Variants in TIAM1 observed in about 807,000 individuals in gnomAD.
TIAM1 encodes the protein rho guanine nucleotide exchange factor TIAM1.
In TIAM1, 65 loss-of-function variants were observed where a neutral mutation model predicts 163.5. The ratio of observed to expected loss-of-function variants is 0.40; its 90% CI spans 0.33 to 0.49. TIAM1 has a LOEUF of 0.49. Among genes scored for constraint, TIAM1 ranks in the 20% least tolerant of loss-of-function variants. TIAM1 has a pLI of 0.77. For missense variants in TIAM1, 1,789 were observed against 2,044.7 expected (o/e 0.87, Z 2.41); for synonymous variants, 833 against 810.1 (o/e 1.03, Z -0.48).
chr21:31,552,977 A>G (rs892250575), intron 1 of TIAM1, among the ~76,000 whole-genome samples: 14 of 152,162 alleles, frequency 9.2e-5, no homozygotes, highest in Admixed American at 2.6e-4. Context: ...CTCCACCAAC[A>G]AGCACAGCCG....
chr21:31,150,028 A>G (rs1237423366), intron 19 of TIAM1, among the ~76,000 whole-genome samples: 1 of 152,210 alleles, frequency 6.6e-6, no homozygotes, highest in Non-Finnish European at 1.5e-5. Flanking sequence ...GCACATATGG[A>G]TACATATACA....
intron 2 of TIAM1, among the ~76,000 whole-genome samples, chr21:31,426,425 T>G (rs1399826305): frequency 6.6e-6 from 1 of 152,176 alleles, no homozygotes; most frequent in Non-Finnish European, 1.5e-5. Flanking sequence ...CATACATATT[T>G]CACTTCCACG....
intron 13 of TIAM1, among the ~76,000 whole-genome samples, chr21:31,192,978 G>T (rs2085643037): frequency 6.6e-6 from 1 of 152,138 alleles, no homozygotes; most frequent in African/African-American, 2.4e-5. Flanking sequence ...ACCGGGCTTT[G>T]GTGGCTGTCT....
intron 15 of TIAM1, among the ~76,000 whole-genome samples, chr21:31,171,472 A>G (rs1400697173): frequency 6.6e-6 from 1 of 152,214 alleles, no homozygotes; most frequent in Admixed American, 6.5e-5. Flanking sequence ...CTAACTAACA[A>G]AATGTTAACA....
At chr21:31,224,220 G>A (rs2087796366) in intron 7 of TIAM1, among the ~76,000 whole-genome samples, 1 of 152,338 alleles carries the variant, frequency 6.6e-6, no homozygotes, top group East Asian at 1.9e-4. Context: ...GAGTGAAGGT[G>A]CAGTGATGCT....
intron 1 of TIAM1, among the ~76,000 whole-genome samples, chr21:31,495,720 G>A (rs139950941): frequency 1.3e-3 from 194 of 151,884 alleles, no homozygotes; most frequent in African/African-American, 4.3e-3. Flanking sequence ...CTGTAATCCC[G>A]GCACTTTGGG....
chr21:31,435,807 T>C (rs560610561), intron 2 of TIAM1, among the ~76,000 whole-genome samples: 54 of 152,292 alleles, frequency 3.5e-4, no homozygotes, highest in African/African-American at 1.2e-3. Context: ...TGGATTAATG[T>C]CACTGTCTTG....
At chr21:31,315,701 G>GAAAAAAAAAAAAAAAA (rs2075097977) in intron 2 of TIAM1, among the ~76,000 whole-genome samples, 1 of 113,726 alleles carries the variant, frequency 8.8e-6, no homozygotes. Context: ...AAAAAAAAAG[G>GAAAAAAAAAAAAAAAA]ACAGGCGCAG....
At chr21:31,220,378 C>T (rs768464262) in intron 8 of TIAM1, among the ~76,000 whole-genome samples, 2 of 152,152 alleles carry the variant, frequency 1.3e-5, no homozygotes, top group Non-Finnish European at 2.9e-5. Context: ...TACCACAAAG[C>T]AAAAGCACAT....
At chr21:31,317,355 G>A (rs932689651) in intron 2 of TIAM1, among the ~76,000 whole-genome samples, 1 of 152,192 alleles carries the variant, frequency 6.6e-6, no homozygotes, top group African/African-American at 2.4e-5. Context: ...GCGGGAGGCT[G>A]AGGAGGAGAA....
chr21:31,328,519 C>T (rs565273258), intron 2 of TIAM1, among the ~76,000 whole-genome samples: 19 of 152,026 alleles, frequency 1.2e-4, no homozygotes, highest in Admixed American at 5.9e-4. Flanking sequence ...CACAGGCACA[C>T]GGCACCACGA....
intron 14 of TIAM1, 65 bp downstream of exon 14, chr21:31,186,936 C>T: frequency 7.2e-7 from 1 of 1,391,056 alleles, no homozygotes; most frequent in Non-Finnish European, 1.0e-6. Context: ...CTTTCTCCTT[C>T]AAAAACTAGA....
intron 11 of TIAM1, among the ~76,000 whole-genome samples, chr21:31,203,620 A>T (rs2086312653): frequency 6.6e-6 from 1 of 152,232 alleles, no homozygotes; most frequent in Non-Finnish European, 1.5e-5. Context: ...TAACACTGGT[A>T]AAATTTTCAA....
At chr21:31,220,856 T>C (rs2087517730) in intron 8 of TIAM1, among the ~76,000 whole-genome samples, 1 of 152,240 alleles carries the variant, frequency 6.6e-6, no homozygotes. Flanking sequence ...TCTATCATTC[T>C]GCTCATCTGT....
At chr21:31,486,800 C>T (rs1290678237) in intron 1 of TIAM1, among the ~76,000 whole-genome samples, 1 of 152,224 alleles carries the variant, frequency 6.6e-6, no homozygotes, top group Non-Finnish European at 1.5e-5. Context: ...TCGTCCACAG[C>T]CTGAGATGTA....
chr21:31,273,296 A>T (rs1053113543), intron 3 of TIAM1, among the ~76,000 whole-genome samples: 1 of 152,144 alleles, frequency 6.6e-6, no homozygotes, highest in African/African-American at 2.4e-5. Context: ...AGCCAGAGAG[A>T]GTGTGGAGAT....
intron 5 of TIAM1, among the ~76,000 whole-genome samples, chr21:31,250,168 A>AAAAAG (rs2071720515): frequency 6.8e-6 from 1 of 147,788 alleles, no homozygotes; most frequent in African/African-American, 2.7e-5. Flanking sequence ...AAAAAAAAAA[A>AAAAAG]AAAGAAAAAG....
At chr21:31,299,817 G>C (rs942756805) in intron 2 of TIAM1, among the ~76,000 whole-genome samples, 2 of 152,154 alleles carry the variant, frequency 1.3e-5, no homozygotes, top group Non-Finnish European at 2.9e-5. Flanking sequence ...GGTAAAATGG[G>C]AATAATAAGA....
At chr21:31,292,670 CT>C (rs66519831) in intron 2 of TIAM1, among the ~76,000 whole-genome samples, 3,633 of 131,820 alleles carry the variant, frequency 0.028, 120 homozygotes, top group African/African-American at 0.085. Context: ...GTGCCTGGCA[CT>C]TTTTTTTTTT....
Sources: allele counts gnomAD v4.1 joint callset (sites outside exome capture counted in the v4.1 genomes callset), GRCh38; gene constraint gnomAD v4.1.1; transcripts MANE v1.5; gene names NCBI Gene and HGNC (gene_info 2026-07-23, HGNC 2026-07-21).